DIS3L2: variants seen among roughly 807,000 people sequenced by gnomAD.
DIS3L2 encodes DIS3-like exonuclease 2.
A neutral mutation model predicts 97.5 loss-of-function variants in DIS3L2; 34 were observed. The observed-to-expected ratio is 0.35, with a 90% CI of 0.27 to 0.46. The LOEUF (loss-of-function observed/expected upper bound fraction) is 0.46, where lower values mean the gene tolerates loss of function less well. Ranked by LOEUF, DIS3L2 falls within the 20% of genes least tolerant of loss-of-function variation. The probability of loss-of-function intolerance (pLI) is 1.00; values close to 1 mark genes in which losing one functional copy is unlikely to be tolerated. For missense variants in DIS3L2, 1,038 were observed against 1,146.0 expected, an observed-to-expected ratio of 0.91 and a Z score of 1.36; for synonymous variants, 435 against 445.2, an observed-to-expected ratio of 0.98 and a Z score of 0.29.
intron 5 of DIS3L2, among the ~76,000 whole-genome samples, chr2:232,032,538 G>A (rs1311247886): frequency 1.3e-5 from 2 of 152,068 alleles, no homozygotes; most frequent in East Asian, 3.9e-4. Context: ...GGTTTTTGTT[G>A]CAATTGCTTT....
intron 5 of DIS3L2, among the ~76,000 whole-genome samples, chr2:232,052,857 T>G (rs528742142): frequency 6.6e-6 from 1 of 152,376 alleles, no homozygotes; most frequent in East Asian, 1.9e-4. Flanking sequence ...TCTGTTCACA[T>G]TCCAGTGGCA....
chr2:232,232,622 G>A (rs993827679), intron 10 of DIS3L2, among the ~76,000 whole-genome samples: 2 of 152,124 alleles, frequency 1.3e-5, no homozygotes, highest in African/African-American at 4.8e-5. Context: ...CCACTTCCTG[G>A]GACAGGAAAC....
chr2:232,251,494 A>G (rs1346330663), intron 12 of DIS3L2, among the ~76,000 whole-genome samples: 1 of 152,254 alleles, frequency 6.6e-6, no homozygotes, highest in Non-Finnish European at 1.5e-5. Flanking sequence ...TATCTGTTCA[A>G]TGACCGTTCC....
intron 15 of DIS3L2, 134 bp from the exon 16 acceptor site, chr2:232,330,556 T>A: frequency 2.3e-4 from 187 of 799,040 alleles, no homozygotes; most frequent in East Asian, 4.0e-4. Flanking sequence ...ACCCATCCCC[T>A]CTGAGCAGGG....
At chr2:232,210,708 G>A (rs1444921548) in intron 10 of DIS3L2, among the ~76,000 whole-genome samples, 1 of 152,222 alleles carries the variant, frequency 6.6e-6, no homozygotes, top group Non-Finnish European at 1.5e-5. Flanking sequence ...GATGGTTCCA[G>A]TGTTGGTGTA....
chr2:232,086,645 G>GTA (rs1308028353), intron 5 of DIS3L2, among the ~76,000 whole-genome samples: 1,841 of 51,202 alleles, frequency 0.036, 133 homozygotes, highest in Non-Finnish European at 0.044. Context: ...ATATATATAT[G>GTA]TATATATATA....
chr2:232,056,690 C>T (rs1349507276), intron 5 of DIS3L2, among the ~76,000 whole-genome samples: 1 of 152,198 alleles, frequency 6.6e-6, no homozygotes, highest in Non-Finnish European at 1.5e-5. Flanking sequence ...TCAGCTTTAT[C>T]AGTTATCAGG....
intron 6 of DIS3L2, among the ~76,000 whole-genome samples, chr2:232,128,427 C>G (rs1268547275): frequency 7.1e-6 from 1 of 140,428 alleles, no homozygotes; most frequent in South Asian, 2.3e-4. Context: ...GTAGTAGAGT[C>G]TCATTAAATT....
At chr2:232,107,517 G>A (rs1423125797) in intron 6 of DIS3L2, among the ~76,000 whole-genome samples, 1 of 152,116 alleles carries the variant, frequency 6.6e-6, no homozygotes, top group African/African-American at 2.4e-5. Flanking sequence ...TGGCCAACAT[G>A]GTGAAACCCC....
intron 13 of DIS3L2, among the ~76,000 whole-genome samples, chr2:232,270,935 C>G (rs1462796042): frequency 6.6e-6 from 1 of 151,262 alleles, no homozygotes; most frequent in Non-Finnish European, 1.5e-5. Flanking sequence ...CTCTCTCTCT[C>G]TCTCTGTCTC....
At chr2:231,968,347 C>T (rs1297735422) in intron 1 of DIS3L2, among the ~76,000 whole-genome samples, 10 of 152,168 alleles carry the variant, frequency 6.6e-5, no homozygotes, top group African/African-American at 1.7e-4. Flanking sequence ...CCGCCCGCCT[C>T]GGTCTCCCAA....
Position 232,292,892 on chromosome 2 carries a change from C to T in DIS3L2, c.1660-7148C>T, listed in dbSNP as rs1396323888. Among the ~76,000 whole-genome samples the T allele has an allele frequency of 6.6e-6, 1 of 152,160 alleles. No individual in the cohort carries two copies. The highest frequency in any genetic ancestry group is 1.5e-5 in the Non-Finnish European group (1 of 68,038). On this transcript the variant is annotated intron_variant, in intron 13 of 20. Transcript: ENST00000325385. The surrounding 1 kb of genome is among the most constrained non-coding windows in gnomAD (Gnocchi z 4.4). Reference sequence around the variant, plus strand: ...TTCCCTCTTCACTCAATACCAGGACCGTTGTGCAGTTGGAAACTGTCCACC... The same window carrying T: ...TTCCCTCTTCACTCAATACCAGGACTGTTGTGCAGTTGGAAACTGTCCACC...
At chr2:232,255,830 A>G (rs771979446) in intron 12 of DIS3L2, among the ~76,000 whole-genome samples, 5 of 152,174 alleles carry the variant, frequency 3.3e-5, no homozygotes, top group Admixed American at 6.5e-5. Context: ...ACTTAGGTCA[A>G]AAACCACGGG....
intron 9 of DIS3L2, chr2:232,172,837 T>C (rs1427515646): frequency 1.6e-5 from 8 of 510,432 alleles, no homozygotes; most frequent in African/African-American, 7.8e-5. Context: ...TAGTATCTCA[T>C]TGTGGTTTTG....
chr2:232,187,709 A>G (rs183688991), intron 9 of DIS3L2, among the ~76,000 whole-genome samples: 9 of 152,108 alleles, frequency 5.9e-5, no homozygotes, highest in African/African-American at 1.7e-4. Context: ...CCAAAGTGCT[A>G]GGATTACAGG....
chr2:232,135,611 T>C (rs1281186342), intron 7 of DIS3L2, among the ~76,000 whole-genome samples: 3 of 152,122 alleles, frequency 2.0e-5, no homozygotes. Context: ...ACGGGTGCCC[T>C]AAGGTGCTTT....
At chr2:231,963,856 C>T (rs1369624118) in intron 1 of DIS3L2, among the ~76,000 whole-genome samples, 2 of 152,096 alleles carry the variant, frequency 1.3e-5, no homozygotes, top group East Asian at 3.9e-4. Context: ...GTAGCTGAGA[C>T]TACAGGTGCG....
intron 10 of DIS3L2, among the ~76,000 whole-genome samples, chr2:232,213,097 A>G (rs1460408144): frequency 1.3e-5 from 2 of 152,192 alleles, no homozygotes; most frequent in African/African-American, 4.8e-5. Flanking sequence ...AACTATATAC[A>G]AAGAGCCCGG....
intron 8 of DIS3L2, among the ~76,000 whole-genome samples, chr2:232,161,700 G>A (rs1229691671): frequency 6.6e-6 from 1 of 151,534 alleles, no homozygotes; most frequent in Non-Finnish European, 1.5e-5. Flanking sequence ...CAAACTCCTA[G>A]CCTCAAGTGA....
Sources: allele counts gnomAD v4.1 joint callset (sites outside exome capture counted in the v4.1 genomes callset), GRCh38; gene constraint gnomAD v4.1.1; non-coding constraint Gnocchi (gnomAD v3.1); transcripts MANE v1.5; gene names NCBI Gene and HGNC (gene_info 2026-07-23, HGNC 2026-07-21).